Variants in PKHD1 observed in about 807,000 individuals in gnomAD.
PKHD1 encodes the protein PKHD1 ciliary IPT domain containing fibrocystin/polyductin.
PKHD1 carries 291 observed loss-of-function variants against 412.0 expected under a neutral mutation model. That is an observed-to-expected ratio of 0.71 (90% confidence interval 0.64 to 0.78). The LOEUF (loss-of-function observed/expected upper bound fraction) is 0.78, where lower values mean the gene tolerates loss of function less well. Ranked by LOEUF, PKHD1 falls within the 30% of genes least tolerant of loss-of-function variation. The pLI, the probability that PKHD1 is intolerant of heterozygous loss-of-function variation, is 0.00. For synonymous variants in PKHD1, 1,777 were observed against 1,821.5 expected (o/e 0.98, Z 0.62); for missense variants, 4,825 against 4,950.7 (o/e 0.97, Z 0.76).
At chr6:52,015,256 AT>A (rs899834837) in intron 34 of PKHD1, among the ~76,000 whole-genome samples, 52 of 151,972 alleles carry the variant, frequency 3.4e-4, no homozygotes, top group African/African-American at 1.3e-3. Context: ...TTCATTGCAA[AT>A]TTTTTTTGAT....
chr6:51,884,518 TTGC>T (rs1394962083), intron 45 of PKHD1, among the ~76,000 whole-genome samples: 2 of 152,198 alleles, frequency 1.3e-5, no homozygotes, highest in Non-Finnish European at 2.9e-5. Context: ...CGTTTTAAAT[TTGC>T]TGCTATTATG....
rs983176445 is a variant in PKHD1 at position 51,900,068 on chromosome 6, A to G, written c.6996+3529T>C. Among the ~76,000 whole-genome samples, 18 of 152,344 alleles carry G rather than the reference A, an allele frequency of 1.2e-4. No individual in the cohort carries two copies. The South Asian group carries it at 1.7e-3, about 14-fold the overall frequency. On this transcript the variant is annotated intron_variant, in intron 43 of 66. Transcript: ENST00000371117. Reference sequence around the variant, plus strand: ...CCATGCTCATGGGTAGGAAGAATCAATATCGTGAAAATGGCCATACTGCCC... The same window carrying G: ...CCATGCTCATGGGTAGGAAGAATCAGTATCGTGAAAATGGCCATACTGCCC...
intron 60 of PKHD1, among the ~76,000 whole-genome samples, chr6:51,692,093 A>G (rs770049990): frequency 1.1e-4 from 17 of 152,056 alleles, no homozygotes; most frequent in Non-Finnish European, 2.5e-4. Context: ...TCCTTTCTTC[A>G]TCATTCACTT....
Position 51,911,830 on chromosome 6 carries a change from A to G in PKHD1, c.6459T>C (p.Leu2153=), listed in dbSNP as rs755656647. The change falls in exon 39 of 67, where the codon CTT becomes CTC. Residue 2153 remains leucine, a synonymous_variant. Coordinates refer to ENST00000371117, the MANE Select transcript of PKHD1 (RefSeq NM_138694.4). Reference sequence around the variant, plus strand: ...GAGCATTGGCCTCCTGGCATGAAACAAGCAGCTTCTCCCTCTCATTAGTGA... The same window carrying G: ...GAGCATTGGCCTCCTGGCATGAAACGAGCAGCTTCTCCCTCTCATTAGTGA... ...GNLTNEREKL[L]VSCQEANAPE... 1 of 1,613,168 alleles carries G rather than the reference A, an allele frequency of 6.2e-7. No homozygotes were observed. The highest frequency in any genetic ancestry group is 2.2e-5 in the East Asian group (1 of 44,860).
intron 43 of PKHD1, among the ~76,000 whole-genome samples, chr6:51,892,402 A>C (rs1779250718): frequency 6.6e-6 from 1 of 152,188 alleles, no homozygotes; most frequent in Admixed American, 6.5e-5. Flanking sequence ...AACATTTAAC[A>C]GCCTCTGGAT....
At chr6:52,041,981 G>A (rs1253563078) in intron 27 of PKHD1, among the ~76,000 whole-genome samples, 7 of 152,092 alleles carry the variant, frequency 4.6e-5, no homozygotes, top group Admixed American at 1.3e-4. Flanking sequence ...TTTGAAAGAA[G>A]ATCAAAGCCC....
chr6:52,065,110 T>C lies in PKHD1; in HGVS notation c.881-60A>G, dbSNP rs911508976. The C allele has an allele frequency of 1.9e-4, 119 of 612,492 alleles. No individual in the cohort carries two copies. The Middle Eastern group carries it at 2.0e-3, about 10-fold the overall frequency. 37.9% of individuals were successfully genotyped at this position (612,492 alleles called of 1,614,324 possible). ...GTGTGTAGGTATACATATATATGTA[T>C]ATGTGTGTGGGTATATGTATAATTA... is the stretch of plus-strand genomic sequence containing the variant. On this transcript the variant is annotated intron_variant, in intron 12 of 66. Coordinates refer to ENST00000371117, the MANE Select transcript of PKHD1 (RefSeq NM_138694.4).
intron 35 of PKHD1, among the ~76,000 whole-genome samples, chr6:51,976,528 T>G (rs112679937): frequency 6.6e-6 from 1 of 152,184 alleles, no homozygotes; most frequent in African/African-American, 2.4e-5. Context: ...AGATTCCAGT[T>G]TGGGAAGACG....
chr6:51,667,505 C>G (rs1562060558), intron 60 of PKHD1, among the ~76,000 whole-genome samples: 1 of 150,668 alleles, frequency 6.6e-6, no homozygotes, highest in East Asian at 1.9e-4. Context: ...TGCCTGTTCA[C>G]TCTGATGGTA....
chr6:51,838,649 G>A (rs549501456), intron 50 of PKHD1, among the ~76,000 whole-genome samples: 1 of 152,214 alleles, frequency 6.6e-6, no homozygotes, highest in South Asian at 2.1e-4. Flanking sequence ...TGCATCTGGG[G>A]GCAGATGAGT....
chr6:51,838,468 C>T (rs547753845), intron 50 of PKHD1, among the ~76,000 whole-genome samples: 1 of 152,280 alleles, frequency 6.6e-6, no homozygotes, highest in African/African-American at 2.4e-5. Context: ...CCTACCAAAA[C>T]AGACATTGCA....
chr6:51,908,877 T>C (rs1406866051), intron 40 of PKHD1, among the ~76,000 whole-genome samples: 2 of 152,108 alleles, frequency 1.3e-5, no homozygotes, highest in Non-Finnish European at 2.9e-5. Flanking sequence ...GATAATGTAA[T>C]GCCAATTCAC....
intron 34 of PKHD1, among the ~76,000 whole-genome samples, chr6:52,014,466 A>G (rs1800203261): frequency 6.6e-6 from 1 of 152,242 alleles, no homozygotes; most frequent in Non-Finnish European, 1.5e-5. Context: ...AGAACAGAGT[A>G]GGGATGTGAT....
chr6:51,855,065 T>A (rs894026455), intron 49 of PKHD1, among the ~76,000 whole-genome samples: 1 of 152,164 alleles, frequency 6.6e-6, no homozygotes, highest in Non-Finnish European at 1.5e-5. Context: ...GCGAGTGGGA[T>A]CTTCCGACCC....
At chr6:51,666,296 G>C (rs1332304471) in intron 60 of PKHD1, among the ~76,000 whole-genome samples, 2 of 152,074 alleles carry the variant, frequency 1.3e-5, no homozygotes, top group African/African-American at 2.4e-5. Flanking sequence ...ATAAAATCTA[G>C]GGAAAGGTAA....
At chr6:52,016,944 A>T (rs1388712003) in intron 34 of PKHD1, among the ~76,000 whole-genome samples, 2 of 152,244 alleles carry the variant, frequency 1.3e-5, no homozygotes, top group Non-Finnish European at 2.9e-5. Flanking sequence ...TCCTAGATCT[A>T]CAGTAATTCC....
chr6:51,688,731 T>C (rs1275165336), intron 60 of PKHD1, among the ~76,000 whole-genome samples: 2 of 151,494 alleles, frequency 1.3e-5, no homozygotes, highest in East Asian at 2.0e-4. Context: ...ATTTTATGCA[T>C]ACAAACTAGA....
intron 60 of PKHD1, among the ~76,000 whole-genome samples, chr6:51,664,919 T>C (rs17667818): frequency 0.027 from 4,038 of 152,250 alleles, 81 homozygotes; most frequent in Non-Finnish European, 0.043. Context: ...TAATAATTAG[T>C]ATCTTCTTAT....
intron 43 of PKHD1, among the ~76,000 whole-genome samples, chr6:51,892,859 A>G (rs1204611493): frequency 6.6e-6 from 1 of 152,230 alleles, no homozygotes; most frequent in Non-Finnish European, 1.5e-5. Flanking sequence ...CTTGGCCTCA[A>G]GAAGAATCAC....
Sources: gnomAD v4.1 joint callset for allele counts (sites outside exome capture counted in the v4.1 genomes callset) on GRCh38, gnomAD v4.1.1 for gene constraint, MANE v1.5 for transcripts, NCBI Gene and HGNC (gene_info 2026-07-23, HGNC 2026-07-21) for gene names.